Variants in NUP93 observed in about 807,000 individuals in gnomAD.
NUP93 encodes nuclear pore complex protein Nup93.
A neutral mutation model predicts 107.8 loss-of-function variants in NUP93; 55 were observed. The observed-to-expected ratio is 0.51, with a 90% CI of 0.41 to 0.64. NUP93 has a LOEUF of 0.64. Ranked by LOEUF, NUP93 falls within the 30% of genes least tolerant of loss-of-function variation. The probability of loss-of-function intolerance (pLI) is 0.00; values close to 1 mark genes in which losing one functional copy is unlikely to be tolerated. For synonymous variants in NUP93, 390 were observed against 397.5 expected (o/e 0.98, Z 0.22); for missense variants, 937 against 1,044.7 (o/e 0.90, Z 1.42).
intron 3 of NUP93, among the ~76,000 whole-genome samples, chr16:56,761,370 C>A (rs1050850806): frequency 7.2e-5 from 11 of 152,316 alleles, no homozygotes; most frequent in African/African-American, 2.6e-4. Flanking sequence ...CCTCTTAATT[C>A]TTCTCATAAT....
chr16:56,738,945 CTTTT>C lies in NUP93; in HGVS notation c.-15+8747_-15+8750del, dbSNP rs35518694. On this transcript the variant is annotated intron_variant, in intron 1 of 21. Coordinates refer to ENST00000308159, the MANE Select transcript of NUP93 (RefSeq NM_014669.5). ...CTGCTTAAAATTAAATGCTAAATTTCTTTTTTTTTTTTTTTTGCACCGCCCTTAA... is the reference window on the plus strand; with the variant it reads ...CTGCTTAAAATTAAATGCTAAATTTCTTTTTTTTTTTTGCACCGCCCTTAA... Among the ~76,000 whole-genome samples, 33 of 131,830 alleles carry C rather than the reference CTTTT, an allele frequency of 2.5e-4. No homozygotes were observed. In the East Asian group the frequency reaches 3.1e-3, roughly 12 times the overall value. 86.5% of individuals were successfully genotyped at this position (131,830 alleles called of 152,430 possible).
chr16:56,739,913 C>T (rs1342995973), intron 1 of NUP93, among the ~76,000 whole-genome samples: 2 of 113,942 alleles, frequency 1.8e-5, no homozygotes, highest in Non-Finnish European at 3.7e-5. Context: ...CCCCCCACCT[C>T]CCTCCCGGAC....
At chr16:56,816,380 C>A (rs1315931819) in intron 5 of NUP93, among the ~76,000 whole-genome samples, 1 of 152,162 alleles carries the variant, frequency 6.6e-6, no homozygotes, top group African/African-American at 2.4e-5. Flanking sequence ...ATATTTCTCA[C>A]CTACCAAGAT....
At chr16:56,777,963 G>A (rs1323183601) in intron 3 of NUP93, among the ~76,000 whole-genome samples, 1 of 152,156 alleles carries the variant, frequency 6.6e-6, no homozygotes, top group Non-Finnish European at 1.5e-5. Context: ...TTTGTTCAGT[G>A]CCCGTTAAGG....
intron 3 of NUP93, among the ~76,000 whole-genome samples, chr16:56,795,947 A>T (rs1474837049): frequency 6.6e-6 from 1 of 151,956 alleles, no homozygotes; most frequent in Admixed American, 6.6e-5. Flanking sequence ...GCGCTCGGCC[A>T]TGGAGTCTTT....
chr16:56,823,828 T>C lies in NUP93; in HGVS notation c.776T>C (p.Leu259Ser). The C allele has an allele frequency of 6.2e-7, 1 of 1,614,036 alleles. No homozygotes were observed. Among genetic ancestry groups the C allele is most frequent in the Non-Finnish European group, 8.5e-7 (1 of 1,180,016 alleles). ...CGCATGGAGTTTGTCAGGCAGGCCT[T>C]GGCGTACCTTGAGCAGAGGTAAGGC... ...EVRMEFVRQA[L>S]AYLEQSYKNY... Residue 259 changes from leucine (L) to serine (S), a missense_variant, in exon 8 of 22, where the codon TTG becomes TCG. Coordinates refer to ENST00000308159, the MANE Select transcript of NUP93 (RefSeq NM_014669.5).
intron 8 of NUP93, among the ~76,000 whole-genome samples, chr16:56,827,019 C>T (rs1374155298): frequency 9.1e-6 from 1 of 110,446 alleles, no homozygotes; most frequent in East Asian, 2.8e-4. Flanking sequence ...GTACTCCAAC[C>T]TGGGGATGGA....
intron 3 of NUP93, among the ~76,000 whole-genome samples, chr16:56,761,516 A>C (rs1337735202): frequency 2.6e-5 from 4 of 151,802 alleles, no homozygotes; most frequent in African/African-American, 9.7e-5. Context: ...CATACCATAA[A>C]TGTGGTGGAC....
At chr16:56,823,589 T>G in intron 7 of NUP93, 118 bp from the exon 8 acceptor site, 2 of 1,191,010 alleles carry the variant, frequency 1.7e-6, no homozygotes, top group Non-Finnish European at 2.4e-6. Context: ...CACAGACAGA[T>G]GACATTAACC....
intron 5 of NUP93, among the ~76,000 whole-genome samples, chr16:56,810,985 C>G (rs1963303445): frequency 6.6e-6 from 1 of 152,182 alleles, no homozygotes; most frequent in Non-Finnish European, 1.5e-5. Flanking sequence ...ATTCTCATGG[C>G]TAAACAGTAT....
intron 1 of NUP93, among the ~76,000 whole-genome samples, chr16:56,744,485 AT>A (rs1250193757): frequency 2.0e-5 from 3 of 152,254 alleles, no homozygotes; most frequent in Non-Finnish European, 4.4e-5. Flanking sequence ...AAATGTATAA[AT>A]TTGGAAACTT....
intron 3 of NUP93, among the ~76,000 whole-genome samples, chr16:56,796,852 G>A (rs112679432): frequency 2.0e-5 from 3 of 152,084 alleles, no homozygotes; most frequent in East Asian, 1.9e-4. Context: ...GGCACGTGCC[G>A]GTAGTCCCAG....
intron 3 of NUP93, among the ~76,000 whole-genome samples, chr16:56,771,875 G>C (rs763926247): frequency 1.4e-4 from 21 of 152,154 alleles, no homozygotes; most frequent in Non-Finnish European, 2.2e-4. Flanking sequence ...GCCATATTTG[G>C]AACTTTAGGT....
intron 3 of NUP93, among the ~76,000 whole-genome samples, chr16:56,764,299 T>A (rs935630241): frequency 2.0e-5 from 3 of 152,128 alleles, no homozygotes; most frequent in Non-Finnish European, 4.4e-5. Flanking sequence ...AAGATCAGCC[T>A]AGTCAACATG....
In NUP93 at chr16:56,844,659, C is replaced by A; in HGVS notation, c.*50C>A. The stretch of plus-strand genomic sequence containing the variant: ...GTCGGCACACTGTCAGTACATCAGG[C>A]ACATGGGCCCACTAGGCTGGGGTTT... On this transcript the variant is annotated 3_prime_UTR_variant, in exon 22 of 22. Coordinates refer to ENST00000308159, the MANE Select transcript of NUP93 (RefSeq NM_014669.5). 1 of 1,114,710 alleles carries A rather than the reference C, an allele frequency of 9.0e-7. No individual in the cohort carries two copies. Among genetic ancestry groups the A allele is most frequent in the Non-Finnish European group, 1.3e-6 (1 of 772,022 alleles). 69.1% of individuals were successfully genotyped at this position (1,114,710 alleles called of 1,614,324 possible). A position where few individuals can be genotyped will look rare whatever the true frequency, so the allele number is the denominator to read the frequency against.
At chr16:56,783,358 C>T (rs1962554887) in intron 3 of NUP93, 1 of 390,544 alleles carries the variant, frequency 2.6e-6, no homozygotes, top group African/African-American at 2.2e-5. Context: ...AGCTGCTCAG[C>T]AGAGGGAGAG....
chr16:56,793,026 A>G (rs2089829503), intron 3 of NUP93, among the ~76,000 whole-genome samples: 1 of 152,106 alleles, frequency 6.6e-6, no homozygotes, highest in Non-Finnish European at 1.5e-5. Flanking sequence ...GATAGGGGAG[A>G]GTGGGATGAT....
chr16:56,835,986 A>G (rs566593344), intron 16 of NUP93, among the ~76,000 whole-genome samples: 1 of 152,114 alleles, frequency 6.6e-6, no homozygotes, highest in East Asian at 1.9e-4. Context: ...AAAATTAGCC[A>G]GGCGTGGTGG....
chr16:56,823,951 T>C lies in NUP93; in HGVS notation c.794+105T>C, dbSNP rs566608037. Reference sequence around the variant, plus strand: ...GGCTAGGTGTGCTGTAGGTATAATTTAAGATTTATTATGTTAAATTGAACA... The same window carrying C: ...GGCTAGGTGTGCTGTAGGTATAATTCAAGATTTATTATGTTAAATTGAACA... On this transcript the variant is annotated intron_variant, in intron 8 of 21. Coordinates refer to ENST00000308159, the MANE Select transcript of NUP93 (RefSeq NM_014669.5). 7.2e-4 allele frequency: 975 copies of C among 1,354,202 alleles called. 1 individual carries two copies. Among genetic ancestry groups the C allele is most frequent in the Non-Finnish European group, 9.2e-4 (925 of 1,001,798 alleles). The allele number at this position is 1,354,202 out of a possible 1,614,324, so 83.9% of individuals were successfully genotyped here.
Sources: allele counts gnomAD v4.1 joint callset (sites outside exome capture counted in the v4.1 genomes callset), GRCh38; gene constraint gnomAD v4.1.1; transcripts MANE v1.5; gene names NCBI Gene and HGNC (gene_info 2026-07-23, HGNC 2026-07-21).